The following SLC8A1 variants were observed in gnomAD, a reference collection of about 807,000 sequenced individuals.
SLC8A1 encodes sodium/calcium exchanger 1.
In SLC8A1, 18 loss-of-function variants were observed where a neutral mutation model predicts 68.3. The ratio of observed to expected loss-of-function variants is 0.26; its 90% CI spans 0.18 to 0.39. The LOEUF (loss-of-function observed/expected upper bound fraction) is 0.39, where lower values mean the gene tolerates loss of function less well. Among genes scored for constraint, SLC8A1 ranks in the 10% least tolerant of loss-of-function variants. The pLI is 1.00. For missense variants in SLC8A1, 985 were observed against 1,156.7 expected (o/e 0.85, Z 2.15); for synonymous variants, 475 against 415.5 (o/e 1.14, Z -1.74).
intron 1 of SLC8A1, among the ~76,000 whole-genome samples, chr2:40,511,773 G>T (rs1000196513): frequency 6.6e-6 from 1 of 152,138 alleles, no homozygotes; most frequent in African/African-American, 2.4e-5. Flanking sequence ...ACTTGCGTAA[G>T]ACCCCGTGTT....
chr2:40,156,173 C>T (rs2044437222), intron 6 of SLC8A1, among the ~76,000 whole-genome samples: 2 of 152,266 alleles, frequency 1.3e-5, no homozygotes, highest in South Asian at 4.1e-4. Flanking sequence ...AAGCAAAATC[C>T]CCATCAGGGC....
chr2:40,175,376 C>G (rs1446138562), intron 3 of SLC8A1, 95 bp from the exon 4 acceptor site: 14 of 1,268,238 alleles, frequency 1.1e-5, no homozygotes, highest in East Asian at 2.3e-5. Flanking sequence ...CCAGGCAGAT[C>G]TGATTACAGT....
Position 40,384,208 on chromosome 2 carries a change from G to T in SLC8A1, c.1808+44265C>A, listed in dbSNP as rs557559205. Reference sequence around the variant, plus strand: ...GGAGTTGGAGACTGCAGTGAGCTAAGAATGTGCCACTGCACTTTAGTCTGG... The same window carrying T: ...GGAGTTGGAGACTGCAGTGAGCTAATAATGTGCCACTGCACTTTAGTCTGG... On this transcript the variant is annotated intron_variant, in intron 2 of 7. Coordinates refer to ENST00000406785, the Ensembl canonical transcript of SLC8A1. 3.3e-5 allele frequency among the ~76,000 whole-genome samples: 5 copies of T among 152,128 alleles called. No individual in the cohort carries two copies. In the East Asian group the frequency reaches 9.7e-4, roughly 30 times the overall value.
intron 2 of SLC8A1, among the ~76,000 whole-genome samples, chr2:40,353,555 A>G (rs541913698): frequency 2.7e-5 from 4 of 150,692 alleles, no homozygotes; most frequent in African/African-American, 7.3e-5. Context: ...TTACAAGTGG[A>G]AAAAAAAAAT....
chr2:40,122,965 A>G (rs7586346), intron 7 of SLC8A1, among the ~76,000 whole-genome samples: 24,575 of 152,184 alleles, frequency 0.16, 2,027 homozygotes, highest in Admixed American at 0.21. Flanking sequence ...AAGGAGAGAA[A>G]AAAATGGAGG....
intron 2 of SLC8A1, chr2:40,255,209 A>G (rs1351795665): frequency 6.6e-6 from 1 of 152,246 alleles, no homozygotes; most frequent in Non-Finnish European, 1.5e-5. Context: ...TAAATGAAAC[A>G]GTGTCTTTTC....
At chr2:40,144,684 C>T (rs901015410) in intron 6 of SLC8A1, among the ~76,000 whole-genome samples, 1 of 151,968 alleles carries the variant, frequency 6.6e-6, no homozygotes, top group African/African-American at 2.4e-5. Flanking sequence ...CAGCCATAAG[C>T]TCTTTCTCAG....
chr2:40,430,864 A>G (rs901478900), intron 1 of SLC8A1, among the ~76,000 whole-genome samples: 4 of 152,316 alleles, frequency 2.6e-5, no homozygotes, highest in Non-Finnish European at 5.9e-5. Context: ...GCCAGAGAGC[A>G]TCTTACACTG....
chr2:40,161,201 T>C (rs531099968), intron 5 of SLC8A1, among the ~76,000 whole-genome samples: 2 of 152,310 alleles, frequency 1.3e-5, no homozygotes, highest in Non-Finnish European at 1.5e-5. Context: ...TCATCTGTAG[T>C]GTTTCGTCTG....
chr2:40,210,254 G>C (rs1416621051), intron 2 of SLC8A1, among the ~76,000 whole-genome samples: 1 of 152,116 alleles, frequency 6.6e-6, no homozygotes, highest in East Asian at 1.9e-4. Flanking sequence ...ATAAGAGAAG[G>C]GTATGAAGAG....
At chr2:40,188,234 T>C (rs1010127422) in intron 2 of SLC8A1, among the ~76,000 whole-genome samples, 3 of 152,238 alleles carry the variant, frequency 2.0e-5, no homozygotes, top group Non-Finnish European at 4.4e-5. Flanking sequence ...TATTTTTCTA[T>C]AATCTGAGAT....
chr2:40,338,779 C>A (rs1201288647), intron 2 of SLC8A1, among the ~76,000 whole-genome samples: 1 of 152,114 alleles, frequency 6.6e-6, no homozygotes, highest in African/African-American at 2.4e-5. Flanking sequence ...CCTAATAGAT[C>A]CTGAAAGGTA....
intron 1 of SLC8A1, among the ~76,000 whole-genome samples, chr2:40,450,369 T>TGTGC (rs1553616819): frequency 7.3e-5 from 11 of 151,474 alleles, no homozygotes; most frequent in Admixed American, 4.6e-4. Flanking sequence ...TGTGTGTGTG[T>TGTGC]GCACGCGCGC....
intron 2 of SLC8A1, among the ~76,000 whole-genome samples, chr2:40,407,856 CT>C (rs1690866816): frequency 6.6e-6 from 1 of 152,192 alleles, no homozygotes; most frequent in Admixed American, 6.5e-5. Context: ...GGCCAACTCT[CT>C]TTACAAGGAG....
At chr2:40,270,049 A>T (rs1440865184) in intron 2 of SLC8A1, among the ~76,000 whole-genome samples, 13 of 152,162 alleles carry the variant, frequency 8.5e-5, no homozygotes, top group Admixed American at 7.9e-4. Context: ...CAAAATTCTT[A>T]CAATAAATGG....
At chr2:40,201,085 A>G (rs780855762) in intron 2 of SLC8A1, among the ~76,000 whole-genome samples, 3 of 151,760 alleles carry the variant, frequency 2.0e-5, no homozygotes, top group Non-Finnish European at 4.4e-5. Flanking sequence ...ATATCATTCA[A>G]ATCTTGAACG....
chr2:40,485,202 A>C (rs368447701), intron 1 of SLC8A1, among the ~76,000 whole-genome samples: 4 of 152,168 alleles, frequency 2.6e-5, no homozygotes, highest in East Asian at 3.9e-4. Flanking sequence ...CAACAGGGTC[A>C]AGGGAAAAGG....
intron 2 of SLC8A1, among the ~76,000 whole-genome samples, chr2:40,209,449 G>A (rs991794434): frequency 9.9e-5 from 15 of 152,146 alleles, no homozygotes; most frequent in Admixed American, 9.8e-4. Flanking sequence ...GAAGTGGTTG[G>A]TGGGGCCAGA....
chr2:40,269,326 C>T (rs2149128022), intron 2 of SLC8A1, among the ~76,000 whole-genome samples: 1 of 152,268 alleles, frequency 6.6e-6, no homozygotes, highest in East Asian at 1.9e-4. Flanking sequence ...TGCTTTTGTA[C>T]TATCTTACAG....
Sources: allele counts gnomAD v4.1 joint callset (sites outside exome capture counted in the v4.1 genomes callset), GRCh38; gene constraint gnomAD v4.1.1; transcripts MANE v1.5; gene names NCBI Gene and HGNC (gene_info 2026-07-23, HGNC 2026-07-21).